PCDH9: variants seen among roughly 807,000 people sequenced by gnomAD.
PCDH9 encodes the protein protocadherin 9.
Under a neutral mutation model 70.6 loss-of-function variants are expected in PCDH9, and 24 were observed. That is an observed-to-expected ratio of 0.34 (90% CI 0.25 to 0.48). The LOEUF (loss-of-function observed/expected upper bound fraction) is 0.48, where lower values mean the gene tolerates loss of function less well. Ranked by LOEUF, PCDH9 falls within the 20% of genes least tolerant of loss-of-function variation. PCDH9 has a pLI of 0.99. For synonymous variants in PCDH9, 562 were observed against 558.5 expected (o/e 1.01, Z -0.09); for missense variants, 1,281 against 1,503.6 (o/e 0.85, Z 2.45).
At chr13:67,078,103 G>A (rs552781193) in intron 2 of PCDH9, among the ~76,000 whole-genome samples, 1 of 152,030 alleles carries the variant, frequency 6.6e-6, no homozygotes, top group South Asian at 2.1e-4. Flanking sequence ...ATGGATATCC[G>A]CCACTCAAAT....
chr13:66,933,259 C>T (rs781236404), intron 2 of PCDH9, among the ~76,000 whole-genome samples: 1 of 151,970 alleles, frequency 6.6e-6, no homozygotes, highest in Non-Finnish European at 1.5e-5. Flanking sequence ...AACTAAAATG[C>T]CTTTTACCTA....
intron 4 of PCDH9, among the ~76,000 whole-genome samples, chr13:66,514,628 G>A (rs966627658): frequency 6.6e-6 from 1 of 151,948 alleles, no homozygotes; most frequent in South Asian, 2.1e-4. Flanking sequence ...TTTATTCTTC[G>A]GGTGTGCTTT....
intron 2 of PCDH9, among the ~76,000 whole-genome samples, chr13:66,980,122 ATCT>A (rs2083711458): frequency 6.6e-6 from 1 of 150,918 alleles, no homozygotes; most frequent in Admixed American, 6.6e-5. Context: ...CTATCTATCT[ATCT>A]ATCTATCATC....
intron 2 of PCDH9, chr13:67,216,870 C>T (rs2089619202): frequency 6.6e-6 from 1 of 151,508 alleles, no homozygotes; most frequent in African/African-American, 2.4e-5. Flanking sequence ...GGTGTGTTCC[C>T]AGCTGACACA....
At chr13:67,113,918 G>A (rs936513931) in intron 2 of PCDH9, among the ~76,000 whole-genome samples, 43 of 152,154 alleles carry the variant, frequency 2.8e-4, no homozygotes, top group African/African-American at 9.4e-4. Flanking sequence ...TTACCGGCTG[G>A]AGCTAACTAG....
Position 66,721,617 on chromosome 13 carries a change from G to A in PCDH9, c.3139-90206C>T, listed in dbSNP as rs1051404254. 1.4e-4 allele frequency among the ~76,000 whole-genome samples: 21 copies of A among 152,144 alleles called. No homozygotes were observed. The Middle Eastern group carries it at 0.01, about 74-fold the overall frequency. On this transcript the variant is annotated intron_variant, in intron 3 of 4. Coordinates refer to ENST00000377865, the MANE Select transcript of PCDH9 (RefSeq NM_203487.3). ...ATCCTGACTCATATAAAAACACCTGGAATTTAGAGAACAATATATACATTT... is the reference window on the plus strand; with the variant it reads ...ATCCTGACTCATATAAAAACACCTGAAATTTAGAGAACAATATATACATTT...
intron 2 of PCDH9, among the ~76,000 whole-genome samples, chr13:67,094,928 G>T (rs2086290577): frequency 6.6e-6 from 1 of 151,946 alleles, no homozygotes. Context: ...CAGAAATCAA[G>T]AAACAATAAT....
intron 4 of PCDH9, among the ~76,000 whole-genome samples, chr13:66,549,915 C>A (rs1961404157): frequency 6.6e-6 from 1 of 151,732 alleles, no homozygotes; most frequent in African/African-American, 2.4e-5. Context: ...GGACTCATGG[C>A]CAAAATAATA....
rs531033968 is a variant in PCDH9 at position 66,700,751 on chromosome 13, G to A, written c.3139-69340C>T. ...AAATCTGCTGCCCTACCCCAACAAC[G>A]AAGACGTTTTCTTATATACTGCAAG... On this transcript the variant is annotated intron_variant, in intron 3 of 4. Transcript: ENST00000377865. Among the ~76,000 whole-genome samples the A allele has an allele frequency of 6.6e-5, 10 of 151,692 alleles. 1 individual carries two copies. The South Asian group carries it at 2.1e-3, about 32-fold the overall frequency.
chr13:66,888,431 C>T lies in PCDH9; in HGVS notation c.3138+15073G>A, dbSNP rs551827618. Among the ~76,000 whole-genome samples the T allele has an allele frequency of 1.5e-3, 226 of 151,426 alleles. 1 individual carries two copies. Among genetic ancestry groups the T allele is most frequent in the African/African-American group, 5.2e-3 (214 of 41,214 alleles). Reference sequence around the variant, plus strand: ...GTGGGAGGATTGCTTGAGCCTGCACCAAGGAAGTAGAGGCTGCAGTGAGCC... The same window carrying T: ...GTGGGAGGATTGCTTGAGCCTGCACTAAGGAAGTAGAGGCTGCAGTGAGCC... On this transcript the variant is annotated intron_variant, in intron 3 of 4. Coordinates refer to ENST00000377865, the MANE Select transcript of PCDH9 (RefSeq NM_203487.3).
intron 4 of PCDH9, among the ~76,000 whole-genome samples, chr13:66,503,980 A>T (rs1030055730): frequency 9.2e-5 from 14 of 152,292 alleles, no homozygotes; most frequent in African/African-American, 3.1e-4. Flanking sequence ...GCTGTGTCGT[A>T]ACTACGTGTC....
In PCDH9 at chr13:66,380,927, C is replaced by T. The variant is rs150238212; in HGVS notation, c.3341-75899G>A. On this transcript the variant is annotated intron_variant, in intron 4 of 4. Transcript: ENST00000377865. ...GTAATCTGTTTTTTTCTTTAGGACCCAAAATTTAACTCTGATTAAGTTGAA... is the reference window on the plus strand; with the variant it reads ...GTAATCTGTTTTTTTCTTTAGGACCTAAAATTTAACTCTGATTAAGTTGAA... 3.9e-3 allele frequency among the ~76,000 whole-genome samples: 600 copies of T among 152,124 alleles called. 3 individuals carry two copies. The highest frequency in any genetic ancestry group is 0.014 in the African/African-American group (571 of 41,492).
At chr13:67,214,324 A>G (rs1382785591) in intron 2 of PCDH9, 2 of 152,232 alleles carry the variant, frequency 1.3e-5, no homozygotes, top group Non-Finnish European at 2.9e-5. Flanking sequence ...TACACCATGG[A>G]TGCCATTACT....
chr13:66,486,746 T>C (rs1209698152), intron 4 of PCDH9, among the ~76,000 whole-genome samples: 1 of 152,172 alleles, frequency 6.6e-6, no homozygotes, highest in African/African-American at 2.4e-5. Context: ...TGTTTCTAAT[T>C]TAAGGTTAAC....
At chr13:66,927,076 C>T (rs2082728346) in intron 2 of PCDH9, among the ~76,000 whole-genome samples, 1 of 151,952 alleles carries the variant, frequency 6.6e-6, no homozygotes, top group Admixed American at 6.6e-5. Flanking sequence ...ATTTATGTTT[C>T]CACTAAAATT....
chr13:66,984,922 A>G (rs1454364750), intron 2 of PCDH9, among the ~76,000 whole-genome samples: 1 of 151,994 alleles, frequency 6.6e-6, no homozygotes, highest in Non-Finnish European at 1.5e-5. Context: ...CCCCATCTCA[A>G]TCTCCCTGTT....
chr13:66,901,809 C>T (rs533288410), intron 3 of PCDH9, among the ~76,000 whole-genome samples: 19 of 151,666 alleles, frequency 1.3e-4, no homozygotes, highest in African/African-American at 4.6e-4. Flanking sequence ...CGAAAATCTC[C>T]AATAAATCAT....
In PCDH9 at chr13:66,445,014, A is replaced by G. The variant is rs1026795486; in HGVS notation, c.3341-139986T>C. ...ATATTAGCATATTAGAAAAATTGTA[A>G]CACACGATGATTGTGGTGATCTTTT... On this transcript the variant is annotated intron_variant, in intron 4 of 4. Coordinates refer to ENST00000377865, the MANE Select transcript of PCDH9 (RefSeq NM_203487.3). 3.2e-4 allele frequency among the ~76,000 whole-genome samples: 48 copies of G among 148,818 alleles called. 1 individual carries two copies. The Admixed American group carries it at 3.2e-3, about 10-fold the overall frequency.
At chr13:66,801,573 A>T (rs2080327453) in intron 3 of PCDH9, among the ~76,000 whole-genome samples, 1 of 152,070 alleles carries the variant, frequency 6.6e-6, no homozygotes, top group Non-Finnish European at 1.5e-5. Flanking sequence ...GAGTGTCAGA[A>T]TTTATCATTT....
Sources: allele counts gnomAD v4.1 joint callset (sites outside exome capture counted in the v4.1 genomes callset), GRCh38; gene constraint gnomAD v4.1.1; transcripts MANE v1.5; gene names NCBI Gene and HGNC (gene_info 2026-07-23, HGNC 2026-07-21).